EPHA6: variants seen among roughly 807,000 people sequenced by gnomAD.
EPHA6 encodes the protein EPH receptor A6, also known as ephrin type-A receptor 6.
EPHA6 carries 50 observed loss-of-function variants against 112.0 expected under a neutral mutation model. The ratio of observed to expected loss-of-function variants is 0.45; its 90% CI spans 0.36 to 0.56. The LOEUF (loss-of-function observed/expected upper bound fraction) is 0.56. Among genes scored for constraint, EPHA6 ranks in the 20% least tolerant of loss-of-function variants. The pLI is 0.00. For synonymous variants in EPHA6, 529 were observed against 490.7 expected, an observed-to-expected ratio of 1.08 and a Z score of -1.03; for missense variants, 1,280 against 1,417.4, an observed-to-expected ratio of 0.90 and a Z score of 1.56.
Position 97,479,288 on chromosome 3 carries a change from TA to T in EPHA6, c.2004-2del. The T allele has an allele frequency of 6.4e-7, 1 of 1,573,822 alleles. No homozygotes were observed. The highest frequency in any genetic ancestry group is 8.6e-7 in the Non-Finnish European group (1 of 1,164,156). ...AACAAGTTTTTTTTTTTAATCTTTT[TA>T]AAAGATGTCAGTGGTACATAAAAGC... is the stretch of plus-strand genomic sequence containing the variant. On this transcript the variant is annotated splice_polypyrimidine_tract_variant and splice_region_variant and intron_variant, in intron 8 of 17. Transcript: ENST00000389672.
chr3:97,421,976 A>T (rs1488668573), intron 6 of EPHA6, among the ~76,000 whole-genome samples: 2 of 152,158 alleles, frequency 1.3e-5, no homozygotes, highest in African/African-American at 4.8e-5. Flanking sequence ...AAGTGTTCTA[A>T]GGACAAAATG....
At chr3:96,824,267 T>A (rs1172436170) in intron 1 of EPHA6, among the ~76,000 whole-genome samples, 2 of 151,776 alleles carry the variant, frequency 1.3e-5, no homozygotes, top group Non-Finnish European at 2.9e-5. Flanking sequence ...TTTTAATAGG[T>A]TTATTAAAGC....
chr3:97,610,291 T>A (rs908336133), intron 12 of EPHA6, among the ~76,000 whole-genome samples: 1 of 151,582 alleles, frequency 6.6e-6, no homozygotes, highest in Non-Finnish European at 1.5e-5. Flanking sequence ...CTATGACCGA[T>A]GGTTTATAAT....
At chr3:97,544,741 A>G (rs1341469603) in intron 11 of EPHA6, among the ~76,000 whole-genome samples, 1 of 152,076 alleles carries the variant, frequency 6.6e-6, no homozygotes, top group Admixed American at 6.6e-5. Context: ...TTGGTTGGTA[A>G]GCTATTGATT....
chr3:97,236,944 G>C (rs1274579371), intron 4 of EPHA6, among the ~76,000 whole-genome samples: 1 of 151,896 alleles, frequency 6.6e-6, no homozygotes, highest in Non-Finnish European at 1.5e-5. Flanking sequence ...AAGCATCCCT[G>C]TTCTGCTTGT....
At chr3:97,537,419 G>A (rs1424618861) in intron 11 of EPHA6, among the ~76,000 whole-genome samples, 1 of 152,140 alleles carries the variant, frequency 6.6e-6, no homozygotes, top group African/African-American at 2.4e-5. Flanking sequence ...CAGTGCTCTT[G>A]AGAAGCCCAT....
chr3:97,684,332 C>T (rs1046936135), intron 14 of EPHA6, among the ~76,000 whole-genome samples: 3 of 151,894 alleles, frequency 2.0e-5, no homozygotes, highest in African/African-American at 7.3e-5. Context: ...TTGGAAAGAC[C>T]TAGGAAAAGC....
chr3:97,413,167 C>T (rs2087853968), intron 6 of EPHA6, among the ~76,000 whole-genome samples: 1 of 151,758 alleles, frequency 6.6e-6, no homozygotes. Context: ...TGCAGTCAGC[C>T]TTCAAAAAAC....
At chr3:97,560,078 T>C (rs1432658596) in intron 11 of EPHA6, among the ~76,000 whole-genome samples, 5 of 147,166 alleles carry the variant, frequency 3.4e-5, no homozygotes, top group African/African-American at 1.3e-4. Context: ...AGAGTGAGAG[T>C]CAAAAAATAA....
chr3:97,281,201 ATGTG>A (rs10547257), intron 5 of EPHA6, among the ~76,000 whole-genome samples: 4,384 of 139,984 alleles, frequency 0.031, 96 homozygotes, highest in Non-Finnish European at 0.044. Flanking sequence ...CAAAGAGTCT[ATGTG>A]TGTGTGTGTG....
intron 3 of EPHA6, among the ~76,000 whole-genome samples, chr3:96,991,646 T>C (rs1423799881): frequency 6.6e-6 from 1 of 152,198 alleles, no homozygotes; most frequent in Admixed American, 6.5e-5. Context: ...TCCTGATTAA[T>C]GTCCCTTCGT....
rs1367145746 is a variant in EPHA6, at chr3:97,466,512, G to T, written c.1895-8840G>T. 3 of 990,420 alleles carry T rather than the reference G, an allele frequency of 3.0e-6. No homozygotes were observed. In the African/African-American group the frequency reaches 4.8e-5, roughly 16 times the overall value. 61.4% of individuals were successfully genotyped at this position (990,420 alleles called of 1,614,324 possible). A position where few individuals can be genotyped will look rare whatever the true frequency, so the allele number is the denominator to read the frequency against. On this transcript the variant is annotated intron_variant, in intron 7 of 17. Transcript: ENST00000389672. Reference sequence around the variant, plus strand: ...CTGAAAAGTCAAAGGGGTAGTGTGAGGGTCGGGCCAAATCCAGGCTCTCCA... The same window carrying T: ...CTGAAAAGTCAAAGGGGTAGTGTGATGGTCGGGCCAAATCCAGGCTCTCCA...
intron 4 of EPHA6, among the ~76,000 whole-genome samples, chr3:97,235,947 A>G (rs1703702978): frequency 6.6e-6 from 1 of 152,060 alleles, no homozygotes; most frequent in Admixed American, 6.6e-5. Flanking sequence ...CATTAACTGA[A>G]AAATATATTT....
At position 97,580,347 on chromosome 3, in the gene EPHA6, A is replaced by G. The variant is rs74549512; in HGVS notation, c.2387-12265A>G. Among the ~76,000 whole-genome samples, 564 of 152,366 alleles carry G rather than the reference A, an allele frequency of 3.7e-3. 4 individuals are homozygous for G. The highest frequency in any genetic ancestry group is 0.013 in the African/African-American group (544 of 41,590). ...CATCCAAGCCAATGTTTAAAATTAA[A>G]TTAAAAGCATGTATGTTAAGTGAAC... is the stretch of plus-strand genomic sequence containing the variant. On this transcript the variant is annotated intron_variant, in intron 11 of 17. Transcript: ENST00000389672.
intron 17 of EPHA6, 58 bp from the exon 18 acceptor site, chr3:97,748,529 C>G: frequency 2.5e-6 from 2 of 808,532 alleles, no homozygotes; most frequent in South Asian, 1.4e-5. Context: ...CTCTCTCTCT[C>G]TCTCTCTCTT....
Position 97,329,374 on chromosome 3 carries a change from TC to T in EPHA6, c.1607-75773del, listed in dbSNP as rs556876135. 2.7e-3 allele frequency among the ~76,000 whole-genome samples: 412 copies of T among 151,314 alleles called. 1 individual carries two copies. Among genetic ancestry groups the T allele is most frequent in the African/African-American group, 9.4e-3 (383 of 40,776 alleles). ...GTCAAATGGTATTTCTAGTTCTGGA[TC>T]CCTGAGGAATCGCCACACTGACTTC... is the stretch of plus-strand genomic sequence containing the variant. On this transcript the variant is annotated intron_variant, in intron 5 of 17. Transcript: ENST00000389672.
At chr3:97,405,651 G>T (rs1321606407) in intron 6 of EPHA6, among the ~76,000 whole-genome samples, 1 of 151,982 alleles carries the variant, frequency 6.6e-6, no homozygotes, top group African/African-American at 2.4e-5. Context: ...ACCTGAAGTG[G>T]GTTTTTGTAG....
chr3:97,503,150 G>C (rs996891035), intron 10 of EPHA6, among the ~76,000 whole-genome samples: 2 of 151,894 alleles, frequency 1.3e-5, no homozygotes, highest in African/African-American at 4.8e-5. Flanking sequence ...CAAGTTTTTG[G>C]AAAATTATAT....
At position 97,098,325 on chromosome 3, in the gene EPHA6, T is replaced by G. The variant is rs964042649; in HGVS notation, c.1114+110332T>G. Among the ~76,000 whole-genome samples, 3 of 151,918 alleles carry G rather than the reference T, an allele frequency of 2.0e-5. No homozygotes were observed. The East Asian group carries it at 5.8e-4, about 29-fold the overall frequency. On this transcript the variant is annotated intron_variant, in intron 3 of 17. Coordinates refer to ENST00000389672, the MANE Select transcript of EPHA6 (RefSeq NM_001080448.3). ...TTGTGTCTGATTATTTTAAATTATTTGCATATTATTCAATTTCCAGGACTA... is the reference window on the plus strand; with the variant it reads ...TTGTGTCTGATTATTTTAAATTATTGGCATATTATTCAATTTCCAGGACTA...
Sources: allele counts gnomAD v4.1 joint callset (sites outside exome capture counted in the v4.1 genomes callset), GRCh38; gene constraint gnomAD v4.1.1; transcripts MANE v1.5; gene names NCBI Gene and HGNC (gene_info 2026-07-23, HGNC 2026-07-21).